DAZAP1: variants seen among roughly 807,000 people sequenced by gnomAD.
The protein encoded by DAZAP1 is DAZ associated protein 1.
A neutral mutation model predicts 60.1 loss-of-function variants in DAZAP1; 6 were observed. The observed-to-expected ratio is 0.10, with a 90% CI of 0.05 to 0.20. DAZAP1 has a LOEUF of 0.20. Among genes scored for constraint, DAZAP1 ranks in the 10% least tolerant of loss-of-function variants. The pLI is 1.00. For synonymous variants in DAZAP1, 235 were observed against 215.9 expected (o/e 1.09, Z -0.78); for missense variants, 366 against 560.4 (o/e 0.65, Z 3.50).
rs561075155 is a variant in DAZAP1, at chr19:1,428,814, G to A, written c.547-28G>A. On this transcript the variant is annotated intron_variant, in intron 7 of 11. Coordinates refer to ENST00000233078, the MANE Select transcript of DAZAP1 (RefSeq NM_018959.4). The surrounding 1 kb of genome is among the most constrained non-coding windows in gnomAD (Gnocchi z 4.0). The stretch of plus-strand genomic sequence containing the variant: ...AGGGGGTGCTGGGACCCGCAGCCTC[G>A]CCCTAAACCAGAGCTCGGTTTGTTT... 5 of 1,611,194 alleles carry A rather than the reference G, an allele frequency of 3.1e-6. No homozygotes were observed. Among genetic ancestry groups the A allele is most frequent in the East Asian group, 2.2e-5 (1 of 44,640 alleles).
chr19:1,433,557 A>C lies in DAZAP1; in HGVS notation c.1048+867A>C. On this transcript the variant is annotated intron_variant, in intron 11 of 11. Transcript: ENST00000233078. The surrounding 1 kb of genome is among the most constrained non-coding windows in gnomAD (Gnocchi z 6.1). ...GCATGGCTGTGGTTCCCCTGCCCCCACGCCCAGGCCTTGGGCCGAGGTTGC... is the reference window on the plus strand; with the variant it reads ...GCATGGCTGTGGTTCCCCTGCCCCCCCGCCCAGGCCTTGGGCCGAGGTTGC... 7.0e-6 allele frequency: 4 copies of C among 568,952 alleles called. No homozygotes were observed. Among genetic ancestry groups the C allele is most frequent in the Non-Finnish European group, 6.3e-6 (2 of 317,474 alleles). The allele number at this position is 568,952 out of a possible 1,614,324, so 35.2% of individuals were successfully genotyped here. A position where few individuals can be genotyped will look rare whatever the true frequency, so the allele number is the denominator to read the frequency against.
At chr19:1,408,674 C>G (rs1345990065) in intron 1 of DAZAP1, among the ~76,000 whole-genome samples, 11 of 152,326 alleles carry the variant, frequency 7.2e-5, no homozygotes, top group Non-Finnish European at 4.4e-5. Flanking sequence ...AAGGGAGAGT[C>G]AGCGCTTCCG....
At chr19:1,412,485 G>A (rs925797487) in intron 1 of DAZAP1, among the ~76,000 whole-genome samples, 8 of 152,218 alleles carry the variant, frequency 5.3e-5, no homozygotes, top group Non-Finnish European at 1.2e-4. Flanking sequence ...CTGTGGGGAG[G>A]CAGGCTCCTC....
intron 8 of DAZAP1, 78 bp from the exon 9 acceptor site, chr19:1,429,889 C>G: frequency 6.5e-7 from 1 of 1,539,620 alleles, no homozygotes; most frequent in Non-Finnish European, 8.8e-7. Flanking sequence ...CCCTTGACGT[C>G]CATGCTCTGC....
rs1462771927 is a variant in DAZAP1, at chr19:1,418,072, C to T, written c.71-132C>T. On this transcript the variant is annotated intron_variant, in intron 2 of 11. Transcript: ENST00000233078. The surrounding 1 kb of genome is among the most constrained non-coding windows in gnomAD (Gnocchi z 5.7). ...ATTCCCCAGCGCTTCCCGTACACCC[C>T]CCACCCCCAGTGCAGCATCGCTCGG... 7.9e-6 allele frequency: 7 copies of T among 888,376 alleles called. No individual in the cohort carries two copies. The highest frequency in any genetic ancestry group is 6.7e-5 in the African/African-American group (4 of 59,782). 55.0% of individuals were successfully genotyped at this position (888,376 alleles called of 1,614,324 possible). A position where few individuals can be genotyped will look rare whatever the true frequency, so the allele number is the denominator to read the frequency against.
Position 1,433,951 on chromosome 19 carries a change from G to A in DAZAP1, c.1049-786G>A, listed in dbSNP as rs988107372. ...TGCCCTCTGGGAAGGGGCCCTTGCC[G>A]GTGCCAAGACATTGGCCACAAGCCT... On this transcript the variant is annotated intron_variant, in intron 11 of 11. Coordinates refer to ENST00000233078, the MANE Select transcript of DAZAP1 (RefSeq NM_018959.4). The surrounding 1 kb of genome is among the most constrained non-coding windows in gnomAD (Gnocchi z 6.1). 34 of 842,362 alleles carry A rather than the reference G, an allele frequency of 4.0e-5. 1 individual carries two copies. Among genetic ancestry groups the A allele is most frequent in the Middle Eastern group, 2.7e-4 (1 of 3,740 alleles). The allele number at this position is 842,362 out of a possible 1,614,324, so 52.2% of individuals were successfully genotyped here.
At position 1,422,411 on chromosome 19, in the gene DAZAP1, A is replaced by G. The variant is rs764023209; in HGVS notation, c.463+15A>G. 6.2e-7 allele frequency: 1 copy of G among 1,612,992 alleles called. No individual in the cohort carries two copies. Among genetic ancestry groups the G allele is most frequent in the Admixed American group, 1.7e-5 (1 of 59,974 alleles). On this transcript the variant is annotated intron_variant, in intron 6 of 11. Coordinates refer to ENST00000233078, the MANE Select transcript of DAZAP1 (RefSeq NM_018959.4). This position sits in a 1 kb window ranked among gnomAD's most constrained non-coding sequence, Gnocchi z 4.5. The stretch of plus-strand genomic sequence containing the variant: ...GAGGCCCCGAGGTAAGGGCAGATCT[A>G]GTTTGACCTCGGCCTTCTCCCTGCT...
At chr19:1,411,344 C>A (rs2082825082) in intron 1 of DAZAP1, among the ~76,000 whole-genome samples, 1 of 152,238 alleles carries the variant, frequency 6.6e-6, no homozygotes. Flanking sequence ...GGAGTACCCC[C>A]AGTCGTGACA....
In DAZAP1 at chr19:1,426,925, G is replaced by A. The variant is rs1194732682; in HGVS notation, c.546+965G>A. Reference sequence around the variant, plus strand: ...CCATGGTTGTTTTTTCAATTAAAATGTCCTGGAGGGAGCATCGTGCTCATT... The same window carrying A: ...CCATGGTTGTTTTTTCAATTAAAATATCCTGGAGGGAGCATCGTGCTCATT... On this transcript the variant is annotated intron_variant, in intron 7 of 11. Coordinates refer to ENST00000233078, the MANE Select transcript of DAZAP1 (RefSeq NM_018959.4). The surrounding 1 kb of genome is among the most constrained non-coding windows in gnomAD (Gnocchi z 5.4). 5 of 152,332 alleles carry A rather than the reference G, an allele frequency of 3.3e-5. No individual in the cohort carries two copies. The East Asian group carries it at 9.6e-4, about 29-fold the overall frequency. The allele number at this position is 152,332 out of a possible 1,614,324, so 9.4% of individuals were successfully genotyped here.
chr19:1,417,723 T>A (rs1234237004), intron 2 of DAZAP1, among the ~76,000 whole-genome samples, 183 bp downstream of exon 2: 1 of 152,168 alleles, frequency 6.6e-6, no homozygotes, highest in Non-Finnish European at 1.5e-5. Flanking sequence ...AATTTGGTAT[T>A]TCCATCCCAA....
At chr19:1,408,740 G>T (rs1187726851) in intron 1 of DAZAP1, among the ~76,000 whole-genome samples, 2 of 152,376 alleles carry the variant, frequency 1.3e-5, no homozygotes, top group East Asian at 3.9e-4. Context: ...TCCTATAGGA[G>T]CCTGACCTGC....
chr19:1,429,920 C>T, intron 8 of DAZAP1, 47 bp from the exon 9 acceptor site: 1 of 1,553,564 alleles, frequency 6.4e-7, no homozygotes, highest in South Asian at 1.2e-5. Flanking sequence ...CTGCGTCGGA[C>T]AGCTGGTGGA....
rs1165917405 is a variant in DAZAP1, at chr19:1,425,675, G to A, written c.464-203G>A. On this transcript the variant is annotated intron_variant, in intron 6 of 11. Transcript: ENST00000233078. This position sits in a 1 kb window ranked among gnomAD's most constrained non-coding sequence, Gnocchi z 5.4. Reference sequence around the variant, plus strand: ...TCAGCAGAGCCGTCACCGGGAGTGCGGACGTCACCGTCTGTCCACTCCGTG... The same window carrying A: ...TCAGCAGAGCCGTCACCGGGAGTGCAGACGTCACCGTCTGTCCACTCCGTG... Among the ~76,000 whole-genome samples, 4 of 152,214 alleles carry A rather than the reference G, an allele frequency of 2.6e-5. No individual in the cohort carries two copies. The highest frequency in any genetic ancestry group is 4.4e-5 in the Non-Finnish European group (3 of 68,032).
At position 1,418,754 on chromosome 19, in the gene DAZAP1, C is replaced by T. The variant is rs779678554; in HGVS notation, c.303+23C>T. The T allele has an allele frequency of 1.3e-6, 2 of 1,582,462 alleles. No individual in the cohort carries two copies. The highest frequency in any genetic ancestry group is 2.3e-5 in the South Asian group (2 of 86,516). ...TGGGTAAGGGGCTGGGCCGGGCGGC[C>T]TCCTTGTGTGTTCTCCACTCCACGT... On this transcript the variant is annotated intron_variant, in intron 4 of 11. Transcript: ENST00000233078. This position sits in a 1 kb window ranked among gnomAD's most constrained non-coding sequence, Gnocchi z 5.7.
At chr19:1,431,417 C>A (rs1283822237) in intron 10 of DAZAP1, among the ~76,000 whole-genome samples, 1 of 152,088 alleles carries the variant, frequency 6.6e-6, no homozygotes, top group African/African-American at 2.4e-5. Flanking sequence ...GCGTGAGCCA[C>A]CGCGCCCGGA....
rs780509851 is a variant in DAZAP1 at position 1,432,566 on chromosome 19, G to T, written c.924G>T (p.Gly308=). The change falls in exon 11 of 12, where the codon GGG becomes GGT. Residue 308 remains glycine (G), a synonymous_variant. Transcript: ENST00000233078. The surrounding 1 kb of genome is among the most constrained non-coding windows in gnomAD (Gnocchi z 4.9). The stretch of plus-strand genomic sequence containing the variant: ...CGCCAGATCAGTTTGCCCCTCCGGG[G>T]GTTCCTCCTCCACCAGCCACTCCCG... ...PPPPDQFAPP[G]VPPPPATPGA... is the part of the protein sequence containing the mutation. 1 of 1,613,608 alleles carries T rather than the reference G, an allele frequency of 6.2e-7. No homozygotes were observed. The highest frequency in any genetic ancestry group is 8.5e-7 in the Non-Finnish European group (1 of 1,180,002).
At position 1,425,741 on chromosome 19, in the gene DAZAP1, C is replaced by A; in HGVS notation, c.464-137C>A. ...GCTCCTGGGGAGGGAGGCAGCTGCC[C>A]CAGGGGCCCGCAGCGCCCCACACAC... On this transcript the variant is annotated intron_variant, in intron 6 of 11. Coordinates refer to ENST00000233078, the MANE Select transcript of DAZAP1 (RefSeq NM_018959.4). The surrounding 1 kb of genome is among the most constrained non-coding windows in gnomAD (Gnocchi z 5.4). The A allele has an allele frequency of 1.5e-6, 1 of 678,612 alleles. No individual in the cohort carries two copies. The highest frequency in any genetic ancestry group is 2.7e-6 in the Non-Finnish European group (1 of 373,608). The allele number at this position is 678,612 out of a possible 1,614,324, so 42.0% of individuals were successfully genotyped here.
intron 1 of DAZAP1, among the ~76,000 whole-genome samples, chr19:1,412,772 C>T (rs914022261): frequency 5.9e-5 from 9 of 152,202 alleles, no homozygotes; most frequent in Admixed American, 1.3e-4. Context: ...AGGGTGGCTG[C>T]GCCGGCCACC....
chr19:1,432,827 T>C lies in DAZAP1; in HGVS notation c.1048+137T>C. On this transcript the variant is annotated intron_variant, in intron 11 of 11. Transcript: ENST00000233078. The surrounding 1 kb of genome is among the most constrained non-coding windows in gnomAD (Gnocchi z 4.9). ...AAAGGGGAGAGGGAGGAGAGGGGGGTGTGGGGGTTGTTGGAGAGATCTCGT... is the reference window on the plus strand; with the variant it reads ...AAAGGGGAGAGGGAGGAGAGGGGGGCGTGGGGGTTGTTGGAGAGATCTCGT... 9.5e-7 allele frequency: 1 copy of C among 1,054,196 alleles called. No homozygotes were observed. Among genetic ancestry groups the C allele is most frequent in the South Asian group, 1.6e-5 (1 of 61,912 alleles). 65.3% of individuals were successfully genotyped at this position (1,054,196 alleles called of 1,614,324 possible).
Sources: gnomAD v4.1 joint callset for allele counts (sites outside exome capture counted in the v4.1 genomes callset) on GRCh38, gnomAD v4.1.1 for gene constraint, Gnocchi (gnomAD v3.1) non-coding constraint, MANE v1.5 for transcripts, NCBI Gene and HGNC (gene_info 2026-07-23, HGNC 2026-07-21) for gene names.